C10orf95: variants seen among roughly 807,000 people sequenced by gnomAD.
The protein encoded by C10orf95 is uncharacterized protein C10orf95.
For synonymous variants in C10orf95, 188 were observed against 160.4 expected, an observed-to-expected ratio of 1.17 and a Z score of -1.30; for missense variants, 412 against 327.4, an observed-to-expected ratio of 1.26 and a Z score of -1.99.
rs1246945873 is a variant in C10orf95, at chr10:102,450,561, T to C, written c.533A>G (p.Asp178Gly). The change falls in exon 2 of 2, where the codon GAC becomes GGC. Residue 178 changes from aspartate (D) to glycine (G), a missense_variant. Physicochemically the swap from Asp to Gly is moderately conservative, Grantham distance 94. Coordinates refer to ENST00000625129, the MANE Select transcript of C10orf95 (RefSeq NM_001363580.1). ...LQATPRVLEP[D>G]HRVEWRVRRR... ...CCGCACGCGCCACTCCACGCGGTGG[T>C]CGGGCTCGAGCACGCGCGGCGTCGC... 7.5e-7 allele frequency: 1 copy of C among 1,326,722 alleles called. No homozygotes were observed. Among genetic ancestry groups the C allele is most frequent in the Non-Finnish European group, 9.6e-7 (1 of 1,043,986 alleles). 82.2% of individuals were successfully genotyped at this position (1,326,722 alleles called of 1,614,324 possible). A position where few individuals can be genotyped will look rare whatever the true frequency, so the allele number is the denominator to read the frequency against.
intron 1 of C10orf95, 114 bp from the exon 2 acceptor site, chr10:102,451,261 G>T: frequency 1.4e-6 from 2 of 1,418,726 alleles, no homozygotes; most frequent in South Asian, 1.5e-5. Context: ...ATCCCAAATC[G>T]AACATTCAGC....
At position 102,450,502 on chromosome 10, in the gene C10orf95, G is replaced by A. The variant is rs2061684558; in HGVS notation, c.592C>T (p.Arg198Trp). 4.2e-6 allele frequency: 6 copies of A among 1,436,336 alleles called. No homozygotes were observed. Among genetic ancestry groups the A allele is most frequent in the East Asian group, 2.9e-5 (1 of 34,624 alleles). 89.0% of individuals were successfully genotyped at this position (1,436,336 alleles called of 1,614,324 possible). A position where few individuals can be genotyped will look rare whatever the true frequency, so the allele number is the denominator to read the frequency against. ...RPDSGDSSPA[R>W]EAAERGRPRK... is the part of the protein sequence containing the mutation. Reference sequence around the variant, plus strand: ...GGGCGGCCGCGCTCCGCGGCTTCCCGGGCTGGGCTGCTGTCGCCGCTGTCG... The same window carrying A: ...GGGCGGCCGCGCTCCGCGGCTTCCCAGGCTGGGCTGCTGTCGCCGCTGTCG... Residue 198 changes from arginine (R) to tryptophan (W), a missense_variant, in exon 2 of 2, where the codon CGG becomes TGG. Arg to Trp is a moderately radical substitution (Grantham distance 101). Coordinates refer to ENST00000625129, the MANE Select transcript of C10orf95 (RefSeq NM_001363580.1).
chr10:102,451,064 T>C lies in C10orf95; in HGVS notation c.30A>G (p.Lys10=). 7.4e-7 allele frequency: 1 copy of C among 1,358,086 alleles called. No individual in the cohort carries two copies. Among genetic ancestry groups the C allele is most frequent in the Non-Finnish European group, 9.5e-7 (1 of 1,053,930 alleles). 84.1% of individuals were successfully genotyped at this position (1,358,086 alleles called of 1,614,324 possible). The part of the protein sequence containing the change: MYVYSWPPP[K]QGVWPPPPQL... ...GCGGCGGCGGCGGCCAGACGCCCTG[T>C]TTGGGCGGCGGCCAGCTGTACACAT... The change falls in exon 2 of 2, where the codon AAA becomes AAG. Residue 10 remains lysine (K), a synonymous_variant. Transcript: ENST00000625129.
rs1358667606 is a variant in C10orf95, at chr10:102,450,926, C to T, written c.168G>A (p.Arg56=). 2.4e-6 allele frequency: 3 copies of T among 1,247,966 alleles called. No homozygotes were observed. The highest frequency in any genetic ancestry group is 3.0e-6 in the Non-Finnish European group (3 of 996,872). 77.3% of individuals were successfully genotyped at this position (1,247,966 alleles called of 1,614,324 possible). A position where few individuals can be genotyped will look rare whatever the true frequency, so the allele number is the denominator to read the frequency against. ...CGGGGCCGTAGAAGCGGTGGTATTC[C>T]CGTGGGGCCGCCCACTCGCCCGCAT... ...SLHAGEWAAP[R]EYHRFYGPAA... The change falls in exon 2 of 2, where the codon CGG becomes CGA. Residue 56 remains arginine (R), a synonymous_variant. Transcript: ENST00000625129.
In C10orf95 at chr10:102,450,700, C is replaced by T. The variant is rs772446352; in HGVS notation, c.394G>A (p.Gly132Ser). The T allele has an allele frequency of 1.4e-5, 18 of 1,254,438 alleles. No homozygotes were observed. In the Middle Eastern group the frequency reaches 9.3e-4, roughly 65 times the overall value. The allele number at this position is 1,254,438 out of a possible 1,614,324, so 77.7% of individuals were successfully genotyped here. The change falls in exon 2 of 2, where the codon GGC (glycine) becomes AGC (serine). Residue 132 changes from glycine to serine, a missense_variant. By Grantham distance (56) the Gly-to-Ser change is moderately conservative. Transcript: ENST00000625129. ...LRWGRVERAR[G>S]PPLQLPDFVR... is the part of the protein sequence containing the mutation. Reference sequence around the variant, plus strand: ...AAGTCCGGTAGCTGCAGAGGGGGGCCCCGCGCGCGCTCCACGCGGCCCCAG... The same window carrying T: ...AAGTCCGGTAGCTGCAGAGGGGGGCTCCGCGCGCGCTCCACGCGGCCCCAG...
chr10:102,450,667 G>A lies in C10orf95; in HGVS notation c.427C>T (p.Arg143Trp), dbSNP rs1268897160. 5 of 1,228,020 alleles carry A rather than the reference G, an allele frequency of 4.1e-6. No individual in the cohort carries two copies. The highest frequency in any genetic ancestry group is 3.3e-5 in the South Asian group (1 of 30,730). 76.1% of individuals were successfully genotyped at this position (1,228,020 alleles called of 1,614,324 possible). Residue 143 changes from arginine (R) to tryptophan (W), a missense_variant, in exon 2 of 2, where the codon CGG (arginine) becomes TGG (tryptophan). Coordinates refer to ENST00000625129, the MANE Select transcript of C10orf95 (RefSeq NM_001363580.1). Reference sequence around the variant, plus strand: ...GTGCCGTACGCGCGCCGCAGCTCCCGGCGCACGAAGTCCGGTAGCTGCAGA... The same window carrying A: ...GTGCCGTACGCGCGCCGCAGCTCCCAGCGCACGAAGTCCGGTAGCTGCAGA... ...PPLQLPDFVR[R>W]ELRRAYGTYP... is the part of the protein sequence containing the mutation.
At position 102,450,816 on chromosome 10, in the gene C10orf95, CCGG is replaced by C. The variant is rs2061687666; in HGVS notation, c.275_277del (p.Ala92del). 2.4e-6 allele frequency: 3 copies of C among 1,249,470 alleles called. No individual in the cohort carries two copies. The East Asian group carries it at 9.7e-5, about 40-fold the overall frequency. The allele number at this position is 1,249,470 out of a possible 1,614,324, so 77.4% of individuals were successfully genotyped here. The stretch of plus-strand genomic sequence containing the variant: ...CGCCTGCAGCGACAGTCCCGAGATG[CCGG>C]CGGCGGCGCAGGGCCGGCGCAGGGT... On this transcript the variant is annotated inframe_deletion, in exon 2 of 2. Transcript: ENST00000625129.
In C10orf95 at chr10:102,451,035, A is replaced by G. The variant is rs1186417859; in HGVS notation, c.59T>C (p.Leu20Pro). The G allele has an allele frequency of 7.3e-7, 1 of 1,362,598 alleles. No individual in the cohort carries two copies. The highest frequency in any genetic ancestry group is 2.7e-5 in the East Asian group (1 of 37,008). 84.4% of individuals were successfully genotyped at this position (1,362,598 alleles called of 1,614,324 possible). A position where few individuals can be genotyped will look rare whatever the true frequency, so the allele number is the denominator to read the frequency against. Residue 20 changes from leucine (L) to proline (P), a missense_variant, in exon 2 of 2, where the codon CTG becomes CCG. Coordinates refer to ENST00000625129, the MANE Select transcript of C10orf95 (RefSeq NM_001363580.1). ...GGCGGCCAGGTAGGTGCAGGTGAGCAGCTGCGGCGGCGGCGGCCAGACGCC... is the reference window on the plus strand; with the variant it reads ...GGCGGCCAGGTAGGTGCAGGTGAGCGGCTGCGGCGGCGGCGGCCAGACGCC... ...KQGVWPPPPQ[L>P]LTCTYLAAPL... is the part of the protein sequence containing the mutation.
In C10orf95 at chr10:102,450,961, C is replaced by T. The variant is rs201345996; in HGVS notation, c.133G>A (p.Gly45Arg). 5.1e-5 allele frequency: 66 copies of T among 1,284,560 alleles called. No homozygotes were observed. The African/African-American group carries it at 9.2e-4, about 18-fold the overall frequency. 79.6% of individuals were successfully genotyped at this position (1,284,560 alleles called of 1,614,324 possible). The change falls in exon 2 of 2, where the codon GGG becomes AGG. Residue 45 changes from glycine (G) to arginine (R), a missense_variant. Gly to Arg is a moderately radical substitution (Grantham distance 125, BLOSUM62 -2). Transcript: ENST00000625129. Reference protein sequence around the residue: ...VQAHSFRSRPGSLHAGEWAAP... With the variant: ...VQAHSFRSRPRSLHAGEWAAP... ...GCCCACTCGCCCGCATGCAGGCTCC[C>T]GGGCCGGCTGCGGAAGCTGTGGGCC...
Position 102,450,669 on chromosome 10 carries a change from C to T in C10orf95, c.425G>A (p.Arg142His). ...GCCGTACGCGCGCCGCAGCTCCCGG[C>T]GCACGAAGTCCGGTAGCTGCAGAGG... ...GPPLQLPDFV[R>H]RELRRAYGTY... The change falls in exon 2 of 2, where the codon CGC becomes CAC. Residue 142 changes from arginine (R) to histidine (H), a missense_variant. Arg to His is a conservative substitution (Grantham distance 29). Transcript: ENST00000625129. The T allele has an allele frequency of 1.6e-6, 2 of 1,227,674 alleles. No homozygotes were observed. Among genetic ancestry groups the T allele is most frequent in the African/African-American group, 1.6e-5 (1 of 63,172 alleles). The allele number at this position is 1,227,674 out of a possible 1,614,324, so 76.0% of individuals were successfully genotyped here. A position where few individuals can be genotyped will look rare whatever the true frequency, so the allele number is the denominator to read the frequency against.
chr10:102,450,408 C>A lies in C10orf95; in HGVS notation c.*44G>T, dbSNP rs1173645772. The A allele has an allele frequency of 1.3e-6, 2 of 1,519,712 alleles. No individual in the cohort carries two copies. The highest frequency in any genetic ancestry group is 3.9e-5 in the Admixed American group (2 of 50,658). 94.1% of individuals were successfully genotyped at this position (1,519,712 alleles called of 1,614,324 possible). On this transcript the variant is annotated 3_prime_UTR_variant, in exon 2 of 2. Coordinates refer to ENST00000625129, the MANE Select transcript of C10orf95 (RefSeq NM_001363580.1). ...CGGCGGCGGCACACACAGGAAAGAG[C>A]CAAGCGCGTGCACGCGGGCCCGCCC...
At position 102,451,375 on chromosome 10, in the gene C10orf95, TC is replaced by T; in HGVS notation, c.-55+10del. On this transcript the variant is annotated intron_variant, in intron 1 of 1. Coordinates refer to ENST00000625129, the MANE Select transcript of C10orf95 (RefSeq NM_001363580.1). ...CCGCCGGGATGCTCTTCCCAGTGAC[TC>T]CCCACTCACTTGTCTCCTTCAGCCT... 1.9e-6 allele frequency: 3 copies of T among 1,555,666 alleles called. No individual in the cohort carries two copies.
chr10:102,450,648 T>A lies in C10orf95; in HGVS notation c.446A>T (p.Tyr149Phe). ...CACGTCGGCGCGGGGGTAGGTGCCG[T>A]ACGCGCGCCGCAGCTCCCGGCGCAC... ...DFVRRELRRA[Y>F]GTYPRADVRV... Residue 149 changes from tyrosine (Y) to phenylalanine (F), a missense_variant, in exon 2 of 2, where the codon TAC becomes TTC. Coordinates refer to ENST00000625129, the MANE Select transcript of C10orf95 (RefSeq NM_001363580.1). 8.1e-7 allele frequency: 1 copy of A among 1,229,280 alleles called. No individual in the cohort carries two copies. The highest frequency in any genetic ancestry group is 3.4e-5 in the East Asian group (1 of 29,268). 76.1% of individuals were successfully genotyped at this position (1,229,280 alleles called of 1,614,324 possible). A position where few individuals can be genotyped will look rare whatever the true frequency, so the allele number is the denominator to read the frequency against.
At position 102,451,004 on chromosome 10, in the gene C10orf95, C is replaced by A; in HGVS notation, c.90G>T (p.Leu30=). 1 of 1,323,398 alleles carries A rather than the reference C, an allele frequency of 7.6e-7. No homozygotes were observed. The highest frequency in any genetic ancestry group is 3.0e-5 in the Admixed American group (1 of 33,352). The allele number at this position is 1,323,398 out of a possible 1,614,324, so 82.0% of individuals were successfully genotyped here. ...LLTCTYLAAP[L]LLPPVQAHSF... is the part of the protein sequence containing the mutation. ...TGTGGGCCTGGACTGGGGGTAGCAGCAGAGGGGCGGCCAGGTAGGTGCAGG... is the reference window on the plus strand; with the variant it reads ...TGTGGGCCTGGACTGGGGGTAGCAGAAGAGGGGCGGCCAGGTAGGTGCAGG... Residue 30 remains leucine, a synonymous_variant, in exon 2 of 2, where the codon CTG becomes CTT. Transcript: ENST00000625129.
At chr10:102,451,295 A>G in intron 1 of C10orf95, 91 bp downstream of exon 1, 2 of 1,463,770 alleles carry the variant, frequency 1.4e-6, no homozygotes, top group South Asian at 1.4e-5. Flanking sequence ...TCTTGTCCCA[A>G]GGTCGGGCAG....
rs1429344201 is a variant in C10orf95, at chr10:102,451,484, C to T, written c.-153G>A. On this transcript the variant is annotated 5_prime_UTR_variant, in exon 1 of 2. It adds an upstream start codon to the 5' untranslated region. Coordinates refer to ENST00000625129, the MANE Select transcript of C10orf95 (RefSeq NM_001363580.1). Reference sequence around the variant, plus strand: ...TCCGCTCCATGCCCTGCCTCAGCCACTCCTCCTGGTTACCAGGCAAAAGGA... The same window carrying T: ...TCCGCTCCATGCCCTGCCTCAGCCATTCCTCCTGGTTACCAGGCAAAAGGA... 4.3e-6 allele frequency: 6 copies of T among 1,393,514 alleles called. No homozygotes were observed. The highest frequency in any genetic ancestry group is 1.9e-5 in the Admixed American group (1 of 53,430). The allele number at this position is 1,393,514 out of a possible 1,614,324, so 86.3% of individuals were successfully genotyped here.
In C10orf95 at chr10:102,450,755, CG is replaced by C; in HGVS notation, c.338del (p.Pro113ArgfsTer100). The C allele has an allele frequency of 7.6e-7, 1 of 1,311,816 alleles. No individual in the cohort carries two copies. The allele number at this position is 1,311,816 out of a possible 1,614,324, so 81.3% of individuals were successfully genotyped here. A position where few individuals can be genotyped will look rare whatever the true frequency, so the allele number is the denominator to read the frequency against. Reference sequence around the variant, plus strand: ...GCTCGGTTTGCAGGCTCCCGCCCTCCGGCCACGGCGCCCAGCTCTCGGCCAC... The same window carrying C: ...GCTCGGTTTGCAGGCTCCCGCCCTCCGCCACGGCGCCCAGCTCTCGGCCAC... ...AAVAESWAPWPEGGSLQTELR... is the reference protein window; with the variant it reads ...AAVAESWAPWXEGGSLQTELR... On this transcript the variant is annotated frameshift_variant, in exon 2 of 2. Transcript: ENST00000625129. LOFTEE classifies it low-confidence loss of function (END_TRUNC).
rs1458264154 is a variant in C10orf95 at position 102,450,701 on chromosome 10, CCG to C, written c.391_392del (p.Arg131GlyfsTer111). 4.8e-6 allele frequency: 6 copies of C among 1,255,650 alleles called. No individual in the cohort carries two copies. In the South Asian group the frequency reaches 7.9e-5, roughly 17 times the overall value. The allele number at this position is 1,255,650 out of a possible 1,614,324, so 77.8% of individuals were successfully genotyped here. A position where few individuals can be genotyped will look rare whatever the true frequency, so the allele number is the denominator to read the frequency against. On this transcript the variant is annotated frameshift_variant, in exon 2 of 2. Coordinates refer to ENST00000625129, the MANE Select transcript of C10orf95 (RefSeq NM_001363580.1). LOFTEE classifies it low-confidence loss of function (END_TRUNC). ...ELRWGRVERA[R>X]GPPLQLPDFV... ...AGTCCGGTAGCTGCAGAGGGGGGCC[CCG>C]CGCGCGCTCCACGCGGCCCCAGCGC...
In C10orf95 at chr10:102,450,663, T is replaced by C; in HGVS notation, c.431A>G (p.Glu144Gly). 1 of 1,226,942 alleles carries C rather than the reference T, an allele frequency of 8.2e-7. No individual in the cohort carries two copies. The highest frequency in any genetic ancestry group is 1.0e-6 in the Non-Finnish European group (1 of 985,218). The allele number at this position is 1,226,942 out of a possible 1,614,324, so 76.0% of individuals were successfully genotyped here. A position where few individuals can be genotyped will look rare whatever the true frequency, so the allele number is the denominator to read the frequency against. ...GTAGGTGCCGTACGCGCGCCGCAGC[T>C]CCCGGCGCACGAAGTCCGGTAGCTG... ...PLQLPDFVRR[E>G]LRRAYGTYPR... The change falls in exon 2 of 2, where the codon GAG (glutamate) becomes GGG (glycine). Residue 144 changes from glutamate to glycine, a missense_variant. Transcript: ENST00000625129.
Sources: allele counts gnomAD v4.1 joint callset, GRCh38; gene constraint gnomAD v4.1.1; transcripts MANE v1.5; gene names NCBI Gene and HGNC (gene_info 2026-07-23, HGNC 2026-07-21).